RERG: variants seen among roughly 807,000 people sequenced by gnomAD.
The protein encoded by RERG is RAS like estrogen regulated growth inhibitor.
A neutral mutation model predicts 23.2 loss-of-function variants in RERG; 25 were observed. That is an observed-to-expected ratio of 1.08 (90% confidence interval 0.79 to 1.50). RERG has a LOEUF of 1.50. Ranked by LOEUF, RERG falls within the 40% of genes most tolerant of loss-of-function variation. RERG has a pLI of 0.00. For missense variants in RERG, 253 were observed against 250.1 expected (o/e 1.01, Z -0.08); for synonymous variants, 81 against 89.1 (o/e 0.91, Z 0.51).
intron 2 of RERG, among the ~76,000 whole-genome samples, chr12:15,161,190 G>GAAAGAAAGAAAGA (rs1565524158): frequency 4.8e-5 from 7 of 145,442 alleles, no homozygotes; most frequent in Non-Finnish European, 1.1e-4. Flanking sequence ...AAGAAAGAAA[G>GAAAGAAAGAAAGA]AAAGAAAGAA....
chr12:15,140,047 C>T (rs530567494), intron 2 of RERG, among the ~76,000 whole-genome samples: 70 of 152,200 alleles, frequency 4.6e-4, no homozygotes, highest in African/African-American at 1.6e-3. Context: ...TGGTAGAATT[C>T]TCTAATGGAA....
intron 2 of RERG, among the ~76,000 whole-genome samples, chr12:15,131,609 A>T (rs963681522): frequency 6.6e-6 from 1 of 152,144 alleles, no homozygotes; most frequent in African/African-American, 2.4e-5. Flanking sequence ...TTTATTGTGG[A>T]CATAAAAGTG....
At chr12:15,142,736 C>T (rs1178493459) in intron 2 of RERG, among the ~76,000 whole-genome samples, 2 of 152,018 alleles carry the variant, frequency 1.3e-5, no homozygotes, top group African/African-American at 4.8e-5. Flanking sequence ...AAAAATGTAA[C>T]ACCAGTCTCC....
intron 2 of RERG, among the ~76,000 whole-genome samples, chr12:15,176,108 G>A (rs1313466781): frequency 6.6e-6 from 1 of 152,106 alleles, no homozygotes; most frequent in Non-Finnish European, 1.5e-5. Context: ...TTTTATGGCA[G>A]GGCAAATTAT....
intron 1 of RERG, 99 bp from the exon 2 acceptor site, chr12:15,217,702 A>G: frequency 2.0e-6 from 1 of 511,146 alleles, no homozygotes; most frequent in East Asian, 3.4e-5. Flanking sequence ...CTTTTTCAAC[A>G]TTTTCTGGTT....
At chr12:15,164,288 C>G (rs1175326518) in intron 2 of RERG, among the ~76,000 whole-genome samples, 2 of 152,180 alleles carry the variant, frequency 1.3e-5, no homozygotes, top group African/African-American at 4.8e-5. Context: ...GCCTATTCAC[C>G]AAACTTTAGA....
chr12:15,176,290 TAC>T (rs935396346), intron 2 of RERG, among the ~76,000 whole-genome samples: 13 of 152,202 alleles, frequency 8.5e-5, no homozygotes, highest in African/African-American at 3.1e-4. Context: ...AATATTAATT[TAC>T]AGAGTGTGAC....
chr12:15,175,748 C>T (rs983730641), intron 2 of RERG, among the ~76,000 whole-genome samples: 5 of 152,084 alleles, frequency 3.3e-5, no homozygotes, highest in Non-Finnish European at 5.9e-5. Flanking sequence ...AACAACTGCT[C>T]CTTTTGAGTG....
At chr12:15,175,847 G>T (rs1458190613) in intron 2 of RERG, among the ~76,000 whole-genome samples, 3 of 152,048 alleles carry the variant, frequency 2.0e-5, no homozygotes, top group Non-Finnish European at 4.4e-5. Context: ...CATCTACCCC[G>T]CCAGTGGCTG....
intron 2 of RERG, among the ~76,000 whole-genome samples, chr12:15,168,914 G>A (rs1230891827): frequency 3.3e-5 from 5 of 152,106 alleles, no homozygotes; most frequent in Admixed American, 2.0e-4. Flanking sequence ...TTTTCTTCTG[G>A]AAAACCAGAT....
At chr12:15,129,396 C>CTGAA (rs1303980589) in intron 2 of RERG, among the ~76,000 whole-genome samples, 1 of 152,010 alleles carries the variant, frequency 6.6e-6, no homozygotes, top group Non-Finnish European at 1.5e-5. Context: ...TTGCTGATAA[C>CTGAA]TGAATGCAAT....
chr12:15,189,582 CTTA>C (rs1865040608), intron 2 of RERG, among the ~76,000 whole-genome samples: 1 of 152,100 alleles, frequency 6.6e-6, no homozygotes, highest in Non-Finnish European at 1.5e-5. Flanking sequence ...TATTAATTTT[CTTA>C]TTATGTCTCT....
At chr12:15,147,619 G>C (rs938080012) in intron 2 of RERG, among the ~76,000 whole-genome samples, 1 of 152,184 alleles carries the variant, frequency 6.6e-6, no homozygotes, top group African/African-American at 2.4e-5. Context: ...GTGACAACTT[G>C]TTTAGGAACA....
At chr12:15,117,142 C>CTTTTT (rs3084646) in intron 3 of RERG, among the ~76,000 whole-genome samples, 8,315 of 136,562 alleles carry the variant, frequency 0.061, 529 homozygotes, top group African/African-American at 0.14. Context: ...ACTGATTTAG[C>CTTTTT]TTTTTTTTTT....
chr12:15,211,288 C>G (rs1027565283), intron 2 of RERG, among the ~76,000 whole-genome samples: 1 of 67,798 alleles, frequency 1.5e-5, no homozygotes, highest in Admixed American at 1.5e-4. Context: ...ATTTTATACA[C>G]ACACACACAC....
At chr12:15,166,039 A>T (rs185963980) in intron 2 of RERG, among the ~76,000 whole-genome samples, 4 of 152,326 alleles carry the variant, frequency 2.6e-5, no homozygotes, top group African/African-American at 9.6e-5. Flanking sequence ...ACTAGAGATA[A>T]TTCAAAACCC....
At chr12:15,211,734 C>T (rs142050214) in intron 2 of RERG, among the ~76,000 whole-genome samples, 162 of 152,286 alleles carry the variant, frequency 1.1e-3, no homozygotes, top group African/African-American at 3.8e-3. Flanking sequence ...TGCTAATTCA[C>T]CTGGTTTGAT....
At chr12:15,169,579 T>C (rs1864748134) in intron 2 of RERG, among the ~76,000 whole-genome samples, 1 of 152,188 alleles carries the variant, frequency 6.6e-6, no homozygotes, top group Admixed American at 6.5e-5. Flanking sequence ...ACAGCAGGTC[T>C]GCAAAATCAG....
chr12:15,161,776 A>C (rs1324527722), intron 2 of RERG, among the ~76,000 whole-genome samples: 1 of 152,194 alleles, frequency 6.6e-6, no homozygotes, highest in Non-Finnish European at 1.5e-5. Context: ...AACAATAATA[A>C]TAATAATAAT....
Sources: allele counts gnomAD v4.1 joint callset (sites outside exome capture counted in the v4.1 genomes callset), GRCh38; gene constraint gnomAD v4.1.1; transcripts MANE v1.5; gene names NCBI Gene and HGNC (gene_info 2026-07-23, HGNC 2026-07-21).